Variants in TCF12 observed in about 807,000 individuals in gnomAD.
TCF12 encodes transcription factor 12.
Under a neutral mutation model 86.0 loss-of-function variants are expected in TCF12, and 45 were observed. The observed-to-expected ratio is 0.52, with a 90% CI of 0.41 to 0.67. The LOEUF is 0.67. Among genes scored for constraint, TCF12 ranks in the 30% least tolerant of loss-of-function variants. TCF12 has a pLI of 0.00. For synonymous variants in TCF12, 330 were observed against 299.6 expected (o/e 1.10, Z -1.05); for missense variants, 881 against 859.9 (o/e 1.02, Z -0.31).
At chr15:56,987,639 T>C (rs1418734609) in intron 3 of TCF12, among the ~76,000 whole-genome samples, 1 of 152,200 alleles carries the variant, frequency 6.6e-6, no homozygotes, top group Non-Finnish European at 1.5e-5. Flanking sequence ...TTCAATAATT[T>C]TTACTTTAAA....
At position 57,288,334 on chromosome 15, in the gene TCF12, T is replaced by C. The variant is rs752268308; in HGVS notation, c.*2189T>C. ...AGATGAATTGCTTCTCATCTTGTTCTCCAGTTTCCATTGTTGGTTTATTGC... is the reference window on the plus strand; with the variant it reads ...AGATGAATTGCTTCTCATCTTGTTCCCCAGTTTCCATTGTTGGTTTATTGC... On this transcript the variant is annotated 3_prime_UTR_variant, in exon 21 of 21. Coordinates refer to ENST00000333725, the MANE Select transcript of TCF12 (RefSeq NM_207037.2). The C allele has an allele frequency of 1.3e-5, 2 of 152,646 alleles. No homozygotes were observed. The highest frequency in any genetic ancestry group is 4.8e-5 in the African/African-American group (2 of 41,454). The allele number at this position is 152,646 out of a possible 1,614,324, so 9.5% of individuals were successfully genotyped here.
At chr15:56,960,960 T>C (rs2061722163) in intron 3 of TCF12, among the ~76,000 whole-genome samples, 1 of 151,628 alleles carries the variant, frequency 6.6e-6, no homozygotes, top group Non-Finnish European at 1.5e-5. Flanking sequence ...GCCAACCTGG[T>C]GAAACCCTGT....
chr15:57,066,763 CT>C (rs1377586145), intron 4 of TCF12, among the ~76,000 whole-genome samples: 1 of 152,176 alleles, frequency 6.6e-6, no homozygotes, highest in East Asian at 1.9e-4. Flanking sequence ...AGAAACAATA[CT>C]TTCTTTACAA....
At chr15:56,935,091 C>A (rs1220446257) in intron 3 of TCF12, among the ~76,000 whole-genome samples, 1 of 152,192 alleles carries the variant, frequency 6.6e-6, no homozygotes, top group South Asian at 2.1e-4. Flanking sequence ...AATATAACTT[C>A]TAAGAATCTT....
intron 4 of TCF12, among the ~76,000 whole-genome samples, chr15:57,065,774 A>G (rs573771807): frequency 1.3e-5 from 2 of 152,170 alleles, no homozygotes; most frequent in Non-Finnish European, 2.9e-5. Flanking sequence ...TCTTTTTGCT[A>G]TTTATAGGTC....
chr15:57,039,041 G>T (rs892287359), intron 3 of TCF12, among the ~76,000 whole-genome samples: 9 of 152,152 alleles, frequency 5.9e-5, no homozygotes, highest in Non-Finnish European at 1.3e-4. Context: ...ATTGTCAAAT[G>T]ATACTTTCCC....
intron 5 of TCF12, among the ~76,000 whole-genome samples, chr15:57,148,288 T>C (rs571514807): frequency 6.6e-6 from 1 of 151,928 alleles, no homozygotes; most frequent in Non-Finnish European, 1.5e-5. Context: ...AAATAATATT[T>C]GAATAAATGC....
At chr15:57,102,324 G>A (rs545879482) in intron 5 of TCF12, among the ~76,000 whole-genome samples, 16 of 152,286 alleles carry the variant, frequency 1.1e-4, no homozygotes, top group South Asian at 8.3e-4. Context: ...ATGGCCGGGC[G>A]TGGTGGCTCA....
intron 12 of TCF12, among the ~76,000 whole-genome samples, chr15:57,235,418 A>C (rs1341429165): frequency 2.0e-5 from 3 of 152,184 alleles, no homozygotes; most frequent in African/African-American, 7.2e-5. Flanking sequence ...GCTAGCATGG[A>C]TAAAGCCCAT....
At chr15:57,217,512 C>T (rs1205482240) in intron 8 of TCF12, among the ~76,000 whole-genome samples, 1 of 151,900 alleles carries the variant, frequency 6.6e-6, no homozygotes, top group Non-Finnish European at 1.5e-5. Flanking sequence ...GTTTTCTGCC[C>T]GGCATCAGGG....
intron 4 of TCF12, among the ~76,000 whole-genome samples, chr15:57,068,414 A>G (rs2069088014): frequency 6.6e-6 from 1 of 152,218 alleles, no homozygotes; most frequent in Non-Finnish European, 1.5e-5. Context: ...GTAATAAATG[A>G]GAATTATTTG....
intron 18 of TCF12, among the ~76,000 whole-genome samples, chr15:57,270,999 C>T (rs2061113831): frequency 6.6e-6 from 1 of 152,210 alleles, no homozygotes; most frequent in African/African-American, 2.4e-5. Context: ...TGGGAGGTGT[C>T]TCCCAGTCAG....
At chr15:57,272,972 T>G in intron 18 of TCF12, 58 bp from the exon 19 acceptor site, 1 of 1,482,892 alleles carries the variant, frequency 6.7e-7, no homozygotes, top group Admixed American at 1.9e-5. Context: ...TTGTGCACAA[T>G]CAGCATATCT....
intron 4 of TCF12, among the ~76,000 whole-genome samples, chr15:57,069,192 C>T (rs2069158388): frequency 1.3e-5 from 2 of 152,076 alleles, no homozygotes; most frequent in Admixed American, 6.5e-5. Flanking sequence ...TTCTAAGATA[C>T]AGAGTTGGTC....
chr15:57,252,579 C>A, intron 15 of TCF12, 87 bp downstream of exon 15: 1 of 1,086,218 alleles, frequency 9.2e-7, no homozygotes, highest in Non-Finnish European at 1.3e-6. Flanking sequence ...GCTGTACAGA[C>A]TCCCATCTTT....
At chr15:57,029,770 G>A (rs1020974895) in intron 3 of TCF12, among the ~76,000 whole-genome samples, 2 of 151,592 alleles carry the variant, frequency 1.3e-5, no homozygotes, top group Admixed American at 6.6e-5. Flanking sequence ...CCATTGATCT[G>A]TTCTCTGTTA....
chr15:57,006,624 T>C (rs1310537128), intron 3 of TCF12, among the ~76,000 whole-genome samples: 1 of 151,972 alleles, frequency 6.6e-6, no homozygotes, highest in Non-Finnish European at 1.5e-5. Flanking sequence ...ACTTTCCTTT[T>C]GAAAATGATT....
intron 16 of TCF12, among the ~76,000 whole-genome samples, chr15:57,254,822 C>T (rs1164546933): frequency 1.5e-5 from 1 of 66,300 alleles, no homozygotes; most frequent in African/African-American, 3.6e-5. Flanking sequence ...CATGCTACTG[C>T]ACTCCAGCCT....
At chr15:57,278,167 G>A (rs2061492568) in intron 19 of TCF12, among the ~76,000 whole-genome samples, 1 of 151,996 alleles carries the variant, frequency 6.6e-6, no homozygotes, top group African/African-American at 2.4e-5. Context: ...TGGAACATAT[G>A]CTTTAACCAA....
Sources: allele counts gnomAD v4.1 joint callset (sites outside exome capture counted in the v4.1 genomes callset), GRCh38; gene constraint gnomAD v4.1.1; transcripts MANE v1.5; gene names NCBI Gene and HGNC (gene_info 2026-07-23, HGNC 2026-07-21).